Variants in NRG3 observed in about 807,000 individuals in gnomAD.
NRG3 encodes pro-neuregulin-3, membrane-bound isoform.
NRG3 carries 31 observed loss-of-function variants against 66.9 expected under a neutral mutation model. That is an observed-to-expected ratio of 0.46 (90% CI 0.35 to 0.63). NRG3 has a LOEUF of 0.63. Ranked by LOEUF, NRG3 falls within the 20% of genes least tolerant of loss-of-function variation. The pLI is 0.00. For synonymous variants in NRG3, 393 were observed against 359.4 expected, an observed-to-expected ratio of 1.09 and a Z score of -1.06; for missense variants, 910 against 878.9, an observed-to-expected ratio of 1.04 and a Z score of -0.45.
At chr10:82,309,041 C>T (rs2080890639) in intron 1 of NRG3, among the ~76,000 whole-genome samples, 1 of 152,146 alleles carries the variant, frequency 6.6e-6, no homozygotes, top group South Asian at 2.1e-4. Context: ...TGGAATGATA[C>T]CATCATTTTT....
intron 3 of NRG3, among the ~76,000 whole-genome samples, chr10:82,791,089 T>A (rs1440950667): frequency 6.6e-6 from 1 of 152,060 alleles, no homozygotes; most frequent in Non-Finnish European, 1.5e-5. Flanking sequence ...CATCAATATA[T>A]GTATGGGCAT....
intron 1 of NRG3, among the ~76,000 whole-genome samples, chr10:81,975,298 T>A (rs1285914221): frequency 6.6e-6 from 1 of 151,870 alleles, no homozygotes. Context: ...TTATATGAGC[T>A]CATACAATTG....
chr10:82,607,325 A>G (rs2048029052), intron 2 of NRG3, among the ~76,000 whole-genome samples: 1 of 152,246 alleles, frequency 6.6e-6, no homozygotes, highest in East Asian at 1.9e-4. Flanking sequence ...CCCCTTCTTC[A>G]TTATGTAATG....
At chr10:82,232,675 G>A (rs1233522983) in intron 1 of NRG3, 17 of 700,830 alleles carry the variant, frequency 2.4e-5, no homozygotes, top group Middle Eastern at 5.1e-4. Context: ...TGAGACAATC[G>A]GCCAGATGGG....
At chr10:82,206,085 G>T (rs769983858) in intron 1 of NRG3, among the ~76,000 whole-genome samples, 1 of 152,102 alleles carries the variant, frequency 6.6e-6, no homozygotes, top group Non-Finnish European at 1.5e-5. Flanking sequence ...TGACACCTCT[G>T]TAGGCCTAAG....
chr10:82,750,788 T>C (rs1326731456), intron 3 of NRG3, among the ~76,000 whole-genome samples: 2 of 152,188 alleles, frequency 1.3e-5, no homozygotes, highest in African/African-American at 4.8e-5. Flanking sequence ...CCAAATTTTC[T>C]TGCAATAGGA....
chr10:81,974,814 CAACTT>C (rs1759045090), intron 1 of NRG3, among the ~76,000 whole-genome samples: 2 of 152,068 alleles, frequency 1.3e-5, no homozygotes, highest in African/African-American at 4.8e-5. Flanking sequence ...TCCTGAAAAA[CAACTT>C]AAGTAATTGT....
chr10:82,326,474 A>G (rs2081879505), intron 1 of NRG3, among the ~76,000 whole-genome samples: 1 of 152,018 alleles, frequency 6.6e-6, no homozygotes, highest in South Asian at 2.1e-4. Flanking sequence ...ATTGACTATT[A>G]TATTTGAAAA....
chr10:82,858,177 C>A (rs556266587), intron 3 of NRG3, among the ~76,000 whole-genome samples: 2 of 152,198 alleles, frequency 1.3e-5, no homozygotes, highest in East Asian at 1.9e-4. Flanking sequence ...AACCCTATTC[C>A]GCTGTCCTTT....
intron 1 of NRG3, among the ~76,000 whole-genome samples, chr10:82,315,826 C>T (rs754208474): frequency 1.7e-4 from 26 of 151,956 alleles, no homozygotes; most frequent in African/African-American, 5.8e-4. Flanking sequence ...CCACCACACC[C>T]GGCTAGTTTT....
intron 1 of NRG3, among the ~76,000 whole-genome samples, chr10:82,100,967 G>A (rs1306962968): frequency 6.6e-6 from 1 of 151,854 alleles, no homozygotes; most frequent in African/African-American, 2.4e-5. Flanking sequence ...TGAAATGATC[G>A]AGGTCTGGAG....
At chr10:82,687,489 G>A (rs1279361281) in intron 2 of NRG3, among the ~76,000 whole-genome samples, 1 of 152,104 alleles carries the variant, frequency 6.6e-6, no homozygotes, top group Non-Finnish European at 1.5e-5. Flanking sequence ...AGATAATACA[G>A]ATCTCTTATT....
intron 2 of NRG3, among the ~76,000 whole-genome samples, chr10:82,503,251 G>C (rs1423914858): frequency 2.6e-5 from 4 of 152,142 alleles, no homozygotes; most frequent in African/African-American, 9.7e-5. Flanking sequence ...CTTTAGAAGA[G>C]GGTGAGGGAG....
intron 1 of NRG3, among the ~76,000 whole-genome samples, chr10:82,014,549 A>T (rs1328405641): frequency 2.0e-5 from 3 of 152,204 alleles, no homozygotes; most frequent in African/African-American, 7.2e-5. Context: ...CTTCATCCTC[A>T]TATAAGCCCT....
chr10:82,048,493 A>T (rs936625313), intron 1 of NRG3, among the ~76,000 whole-genome samples: 1 of 151,894 alleles, frequency 6.6e-6, no homozygotes, highest in African/African-American at 2.4e-5. Flanking sequence ...CTGCTCCTGA[A>T]TGACTACTGG....
intron 2 of NRG3, among the ~76,000 whole-genome samples, chr10:82,459,197 A>C (rs2091405919): frequency 6.6e-6 from 1 of 152,172 alleles, no homozygotes; most frequent in Non-Finnish European, 1.5e-5. Flanking sequence ...CACATCTTCC[A>C]TCACCCTGTT....
intron 1 of NRG3, among the ~76,000 whole-genome samples, chr10:82,340,200 C>T (rs947295397): frequency 9.2e-5 from 14 of 152,086 alleles, no homozygotes; most frequent in African/African-American, 3.1e-4. Context: ...ATGAGAACAC[C>T]ATAGAAGTAA....
chr10:82,545,785 T>G (rs1278471121), intron 2 of NRG3, among the ~76,000 whole-genome samples: 1 of 47,554 alleles, frequency 2.1e-5, no homozygotes, highest in Non-Finnish European at 3.4e-5. Context: ...TATCAACTCT[T>G]TTTTTTTTTT....
rs147352245 is a variant in NRG3 at position 82,408,633 on chromosome 10, T to TTATA, written c.953+49779_953+49782dup. On this transcript the variant is annotated intron_variant, in intron 2 of 8. Coordinates refer to ENST00000372141, the MANE Select transcript of NRG3 (RefSeq NM_001010848.4). ...CAAAACTATACATTTCATATATATA[T>TTATA]TATATATATATATATATTCTTATTT... Among the ~76,000 whole-genome samples the TTATA allele has an allele frequency of 5.8e-3, 709 of 122,802 alleles. 5 individuals are homozygous for TTATA. Among genetic ancestry groups the TTATA allele is most frequent in the African/African-American group, 0.019 (687 of 35,640 alleles). 80.6% of individuals were successfully genotyped at this position (122,802 alleles called of 152,430 possible).
Sources: gnomAD v4.1 joint callset for allele counts (sites outside exome capture counted in the v4.1 genomes callset) on GRCh38, gnomAD v4.1.1 for gene constraint, MANE v1.5 for transcripts, NCBI Gene and HGNC (gene_info 2026-07-23, HGNC 2026-07-21) for gene names.